Variants in AUTS2 observed in about 807,000 individuals in gnomAD.
AUTS2 encodes the protein activator of transcription and developmental regulator AUTS2.
Under a neutral mutation model 112.4 loss-of-function variants are expected in AUTS2, and 17 were observed. That is an observed-to-expected ratio of 0.15 (90% confidence interval 0.10 to 0.23). AUTS2 has a LOEUF of 0.23. Among genes scored for constraint, AUTS2 ranks in the 10% least tolerant of loss-of-function variants. The pLI is 1.00. For missense variants in AUTS2, 1,510 were observed against 1,701.6 expected, an observed-to-expected ratio of 0.89 and a Z score of 1.98; for synonymous variants, 751 against 702.7, an observed-to-expected ratio of 1.07 and a Z score of -1.09.
chr7:70,578,643 C>T (rs960046893), intron 5 of AUTS2, among the ~76,000 whole-genome samples: 1 of 151,930 alleles, frequency 6.6e-6, no homozygotes, highest in African/African-American at 2.4e-5. Context: ...AATCAGTCCC[C>T]CTCTTCATTA....
rs563347572 is a variant in AUTS2, at chr7:70,137,470, T to G, written c.660+2899T>G. Among the ~76,000 whole-genome samples the G allele has an allele frequency of 9.9e-5, 15 of 152,188 alleles. No homozygotes were observed. In the South Asian group the frequency reaches 1.5e-3, roughly 15 times the overall value. The stretch of plus-strand genomic sequence containing the variant: ...AGTGTGTGTAGGATTTTCTTTTTTT[T>G]TTTTGTTTTGAACGTCAATGCAATG... On this transcript the variant is annotated intron_variant, in intron 4 of 18. Coordinates refer to ENST00000342771, the MANE Select transcript of AUTS2 (RefSeq NM_015570.4).
At chr7:70,787,478 A>T in intron 18 of AUTS2, 47 bp downstream of exon 18, 3 of 1,389,318 alleles carry the variant, frequency 2.2e-6, no homozygotes, top group Non-Finnish European at 3.0e-6. Context: ...AGCCTGCTCT[A>T]TGCCAAGTAC....
chr7:70,071,306 A>G (rs1584674495), intron 2 of AUTS2, among the ~76,000 whole-genome samples: 1 of 152,152 alleles, frequency 6.6e-6, no homozygotes, highest in Non-Finnish European at 1.5e-5. Flanking sequence ...TCTTCCATGC[A>G]GTCTCATCAG....
Sources: gnomAD v4.1 joint callset for allele counts (sites outside exome capture counted in the v4.1 genomes callset) on GRCh38, gnomAD v4.1.1 for gene constraint, MANE v1.5 for transcripts, NCBI Gene and HGNC (gene_info 2026-07-23, HGNC 2026-07-21) for gene names.